Variants in BLVRA observed in about 807,000 individuals in gnomAD.
The protein encoded by BLVRA is BVR A.
BLVRA carries 22 observed loss-of-function variants against 32.8 expected under a neutral mutation model. That is an observed-to-expected ratio of 0.67 (90% CI 0.48 to 0.96). The LOEUF (loss-of-function observed/expected upper bound fraction) is 0.96. BLVRA is among the 40% of genes least tolerant of loss of function. The pLI is 0.00. For missense variants in BLVRA, 323 were observed against 358.1 expected (o/e 0.90, Z 0.79); for synonymous variants, 119 against 141.3 (o/e 0.84, Z 1.12).
At chr7:43,774,960 C>A (rs1030510244) in intron 2 of BLVRA, among the ~76,000 whole-genome samples, 2 of 152,084 alleles carry the variant, frequency 1.3e-5, no homozygotes, top group African/African-American at 4.8e-5. Context: ...TGGTGTATAA[C>A]AATGCTTGTG....
At chr7:43,770,989 T>C in intron 1 of BLVRA, 149 bp from the exon 2 acceptor site, 1 of 717,126 alleles carries the variant, frequency 1.4e-6, no homozygotes, top group Non-Finnish European at 2.5e-6. Flanking sequence ...GTATCCTAGC[T>C]GGAAGGCACA....
At chr7:43,759,705 C>G (rs1434124424) in intron 1 of BLVRA, among the ~76,000 whole-genome samples, 4 of 152,148 alleles carry the variant, frequency 2.6e-5, no homozygotes, top group African/African-American at 9.7e-5. Context: ...GAAAGTTTTT[C>G]CATCATTAAT....
At position 43,803,674 on chromosome 7, in the gene BLVRA, A is replaced by G; in HGVS notation, c.461-2A>G. 6.2e-7 allele frequency: 1 copy of G among 1,603,372 alleles called. No individual in the cohort carries two copies. ...TCCCACAGCATTTGTGATTTCCCAC[A>G]GCTGGCCCGTTGGAAGAAGAGCGGT... On this transcript the variant is annotated splice_acceptor_variant, in intron 6 of 7. Transcript: ENST00000265523. LOFTEE classifies it high-confidence loss of function.
intron 1 of BLVRA, among the ~76,000 whole-genome samples, chr7:43,769,658 A>C (rs1037130504): frequency 6.7e-6 from 1 of 149,788 alleles, no homozygotes; most frequent in African/African-American, 2.5e-5. Context: ...CCAGTCTGGG[A>C]GTGCAGTGGC....
chr7:43,765,027 G>T (rs1251690700), intron 1 of BLVRA, among the ~76,000 whole-genome samples: 1 of 152,172 alleles, frequency 6.6e-6, no homozygotes, highest in African/African-American at 2.4e-5. Context: ...TGAGCCCGTT[G>T]TGTTTCGGAG....
chr7:43,791,025 G>A (rs181808961), intron 3 of BLVRA, among the ~76,000 whole-genome samples: 3 of 152,276 alleles, frequency 2.0e-5, no homozygotes, highest in East Asian at 3.9e-4. Context: ...GGTCATACAC[G>A]CTGTGAATGG....
chr7:43,805,205 C>G (rs539076197), intron 7 of BLVRA, among the ~76,000 whole-genome samples: 1 of 151,712 alleles, frequency 6.6e-6, no homozygotes, highest in Admixed American at 6.6e-5. Context: ...GGAGGCGGTG[C>G]CTTGTTTGGT....
intron 1 of BLVRA, among the ~76,000 whole-genome samples, chr7:43,768,129 T>C (rs2095750226): frequency 6.6e-6 from 1 of 152,250 alleles, no homozygotes; most frequent in Non-Finnish European, 1.5e-5. Context: ...CTTCTTGCTA[T>C]AATCAGAATT....
chr7:43,769,991 G>T (rs912130228), intron 1 of BLVRA, among the ~76,000 whole-genome samples: 1 of 152,150 alleles, frequency 6.6e-6, no homozygotes, highest in Non-Finnish European at 1.5e-5. Context: ...TGCCAAGGTC[G>T]GTTTTGTTTG....
At chr7:43,767,632 A>G (rs972656797) in intron 1 of BLVRA, 2 of 801,278 alleles carry the variant, frequency 2.5e-6, no homozygotes, top group African/African-American at 3.4e-5. Flanking sequence ...CATTAAATTC[A>G]TTTTTTAAAA....
rs1235812609 is a variant in BLVRA, at chr7:43,791,388, A to C, written c.254+20A>C. Reference sequence around the variant, plus strand: ...CATCAGGTGGGTTTTCCACACAGGCAGTCCTTGCCTTACACAGCAGTGCAG... The same window carrying C: ...CATCAGGTGGGTTTTCCACACAGGCCGTCCTTGCCTTACACAGCAGTGCAG... On this transcript the variant is annotated intron_variant, in intron 4 of 7. Transcript: ENST00000265523. The C allele has an allele frequency of 1.2e-6, 2 of 1,613,964 alleles. No individual in the cohort carries two copies.
At chr7:43,759,632 G>A (rs1563532416) in intron 1 of BLVRA, among the ~76,000 whole-genome samples, 1 of 152,138 alleles carries the variant, frequency 6.6e-6, no homozygotes, top group Non-Finnish European at 1.5e-5. Context: ...TTTTCAGCAT[G>A]GGAAGGATTC....
intron 1 of BLVRA, among the ~76,000 whole-genome samples, chr7:43,768,798 G>A (rs1488946061): frequency 6.6e-6 from 1 of 152,086 alleles, no homozygotes; most frequent in Non-Finnish European, 1.5e-5. Context: ...AGCCAGGGGA[G>A]GGCGAGCAGA....
intron 4 of BLVRA, chr7:43,791,647 C>A: frequency 2.6e-6 from 1 of 383,174 alleles, no homozygotes; most frequent in Non-Finnish European, 4.9e-6. Context: ...CTGTAAAAAC[C>A]CATCGAGAGT....
chr7:43,783,798 T>C (rs1288196783), intron 2 of BLVRA, among the ~76,000 whole-genome samples: 5 of 152,184 alleles, frequency 3.3e-5, no homozygotes, highest in Non-Finnish European at 7.3e-5. Flanking sequence ...CAATGTGTTA[T>C]CAAACTTTTT....
intron 7 of BLVRA, among the ~76,000 whole-genome samples, chr7:43,805,037 G>A (rs771364591): frequency 2.6e-5 from 4 of 152,156 alleles, no homozygotes; most frequent in Non-Finnish European, 5.9e-5. Flanking sequence ...GTGGTGGCCC[G>A]GGCTCTGGTG....
chr7:43,758,178 A>T (rs576013028), upstream of BLVRA, among the ~76,000 whole-genome samples: 7 of 152,296 alleles, frequency 4.6e-5, no homozygotes, highest in East Asian at 1.3e-3. Context: ...GCCTCCTGGA[A>T]TATTCCCTCC....
intron 5 of BLVRA, among the ~76,000 whole-genome samples, chr7:43,797,494 C>T (rs990107265): frequency 2.6e-5 from 4 of 152,270 alleles, no homozygotes; most frequent in Admixed American, 1.3e-4. Context: ...GTGTATGAAC[C>T]GGGAAACTAA....
intron 1 of BLVRA, among the ~76,000 whole-genome samples, chr7:43,764,775 C>G (rs556303342): frequency 6.7e-6 from 1 of 149,952 alleles, no homozygotes; most frequent in Non-Finnish European, 1.5e-5. Context: ...CCCCACCCCC[C>G]GCAAAAAAAA....
Sources: gnomAD v4.1 joint callset for allele counts (sites outside exome capture counted in the v4.1 genomes callset) on GRCh38, gnomAD v4.1.1 for gene constraint, MANE v1.5 for transcripts, NCBI Gene and HGNC (gene_info 2026-07-23, HGNC 2026-07-21) for gene names.